The following R3HDM2 variants were observed in gnomAD, a reference collection of about 807,000 sequenced individuals.
The protein encoded by R3HDM2 is R3H domain containing 2.
Under a neutral mutation model 124.5 loss-of-function variants are expected in R3HDM2, and 38 were observed. The observed-to-expected ratio is 0.31, with a 90% CI of 0.24 to 0.40. The LOEUF (loss-of-function observed/expected upper bound fraction) is 0.40. R3HDM2 is among the 10% of genes least tolerant of loss of function. R3HDM2 has a pLI of 1.00. For missense variants in R3HDM2, 869 were observed against 1,236.9 expected, an observed-to-expected ratio of 0.70 and a Z score of 4.46; for synonymous variants, 391 against 448.0, an observed-to-expected ratio of 0.87 and a Z score of 1.61.
At chr12:57,282,372 CTG>C (rs760302672) in intron 13 of R3HDM2, among the ~76,000 whole-genome samples, 7 of 151,434 alleles carry the variant, frequency 4.6e-5, no homozygotes, top group Admixed American at 1.3e-4. Context: ...CAATGGCAAA[CTG>C]GAGTCAGGAA....
intron 2 of R3HDM2, among the ~76,000 whole-genome samples, chr12:57,316,967 G>A (rs982554918): frequency 6.6e-6 from 1 of 151,890 alleles, no homozygotes; most frequent in African/African-American, 2.4e-5. Context: ...GGCTGCTCTT[G>A]AACTCCTGAC....
intron 2 of R3HDM2, among the ~76,000 whole-genome samples, chr12:57,395,212 T>A (rs897559927): frequency 6.1e-5 from 9 of 148,590 alleles, no homozygotes; most frequent in African/African-American, 2.2e-4. Flanking sequence ...CAAAAAAAAT[T>A]AAAAAAAATT....
At chr12:57,269,534 A>G in intron 15 of R3HDM2, 85 bp from the exon 16 acceptor site, 1 of 1,535,864 alleles carries the variant, frequency 6.5e-7, no homozygotes, top group Non-Finnish European at 8.8e-7. Flanking sequence ...CTCAAGATTG[A>G]TGGCCAGAAA....
At chr12:57,388,041 T>C (rs993637200) in intron 2 of R3HDM2, among the ~76,000 whole-genome samples, 3 of 152,090 alleles carry the variant, frequency 2.0e-5, no homozygotes, top group African/African-American at 7.2e-5. Context: ...ATCAGCTCAC[T>C]GCAAACTCCG....
At chr12:57,375,880 G>A (rs2063992927) in intron 2 of R3HDM2, among the ~76,000 whole-genome samples, 2 of 152,058 alleles carry the variant, frequency 1.3e-5, no homozygotes, top group Admixed American at 1.3e-4. Flanking sequence ...CACTATGTTA[G>A]CCAGGATGGT....
At chr12:57,420,192 C>A (rs1318171580) in intron 1 of R3HDM2, among the ~76,000 whole-genome samples, 2 of 152,076 alleles carry the variant, frequency 1.3e-5, no homozygotes, top group African/African-American at 4.8e-5. Flanking sequence ...CTTGTTCATT[C>A]TCCTGTATAT....
At chr12:57,355,383 CGA>C (rs1028135435) in intron 2 of R3HDM2, among the ~76,000 whole-genome samples, 11 of 148,204 alleles carry the variant, frequency 7.4e-5, no homozygotes, top group African/African-American at 2.5e-4. Flanking sequence ...GGCGTGAACC[CGA>C]GAGGCAGAGC....
At chr12:57,424,516 T>C (rs1322706989) in intron 1 of R3HDM2, among the ~76,000 whole-genome samples, 1 of 152,106 alleles carries the variant, frequency 6.6e-6, no homozygotes, top group Non-Finnish European at 1.5e-5. Context: ...CTTAATTACT[T>C]TCCTCCTAGT....
chr12:57,318,962 C>T (rs952092652), intron 2 of R3HDM2, among the ~76,000 whole-genome samples: 22 of 152,166 alleles, frequency 1.4e-4, no homozygotes, highest in Non-Finnish European at 3.1e-4. Context: ...CTTTCTTAAA[C>T]TTTATACAAT....
At chr12:57,341,821 T>C (rs2059593930) in intron 2 of R3HDM2, among the ~76,000 whole-genome samples, 1 of 152,214 alleles carries the variant, frequency 6.6e-6, no homozygotes. Flanking sequence ...CCCTGCTTCC[T>C]GCAATGTGCG....
intron 10 of R3HDM2, among the ~76,000 whole-genome samples, chr12:57,294,161 A>G (rs1446911574): frequency 6.6e-6 from 1 of 152,244 alleles, no homozygotes; most frequent in African/African-American, 2.4e-5. Flanking sequence ...AGCCTAGTTC[A>G]GGGAAAACAC....
At chr12:57,303,019 G>T (rs961953329) in intron 4 of R3HDM2, among the ~76,000 whole-genome samples, 157 bp downstream of exon 4, 1 of 152,196 alleles carries the variant, frequency 6.6e-6, no homozygotes, top group Admixed American at 6.5e-5. Context: ...GTGTACATGT[G>T]TGTATGCACA....
chr12:57,386,449 A>G (rs2065805420), intron 2 of R3HDM2, among the ~76,000 whole-genome samples: 1 of 152,208 alleles, frequency 6.6e-6, no homozygotes, highest in African/African-American at 2.4e-5. Context: ...GGGGCTTAGC[A>G]CCTGGGCAAG....
chr12:57,292,655 A>G lies in R3HDM2; in HGVS notation c.823T>C (p.Leu275=), dbSNP rs1225580937. ...DRDDNQIRVP[L]QDGRRSKSIE... ...GACTTGCTCCTCCTTCCATCCTGCA[A>G]TGGAACTCTGATCTAGATCGATGAG... Residue 275 remains leucine (L), a synonymous_variant, in exon 11 of 24, where the codon TTG becomes CTG. Coordinates refer to ENST00000402412, the MANE Select transcript of R3HDM2 (RefSeq NM_001394031.1). The G allele has an allele frequency of 3.9e-6, 6 of 1,548,900 alleles. No homozygotes were observed. The highest frequency in any genetic ancestry group is 2.0e-5 in the Admixed American group (1 of 50,968).
chr12:57,319,735 G>GT (rs2055990457), intron 2 of R3HDM2, among the ~76,000 whole-genome samples: 1 of 152,176 alleles, frequency 6.6e-6, no homozygotes, highest in Non-Finnish European at 1.5e-5. Context: ...GCAGAGGCGA[G>GT]TAATGAGGGG....
intron 2 of R3HDM2, among the ~76,000 whole-genome samples, chr12:57,382,837 AAAAT>A (rs2065104339): frequency 6.6e-6 from 1 of 151,788 alleles, no homozygotes; most frequent in Non-Finnish European, 1.5e-5. Flanking sequence ...CTCCATCTCA[AAAAT>A]AAATAACTAA....
rs2041683964 is a variant in R3HDM2 at position 57,264,227 on chromosome 12, G to C, written c.2131+2504C>G. ...ACTGCACTCCAGCCTGGGCGACAGA[G>C]AGAGACTCTGTCTCAAAAAAAAAAA... On this transcript the variant is annotated intron_variant, in intron 19 of 23. Transcript: ENST00000402412. Among the ~76,000 whole-genome samples the C allele has an allele frequency of 1.4e-5, 2 of 141,344 alleles. 1 individual carries two copies. Among genetic ancestry groups the C allele is most frequent in the Non-Finnish European group, 3.1e-5 (2 of 65,362 alleles). The allele number at this position is 141,344 out of a possible 152,430, so 92.7% of individuals were successfully genotyped here. A position where few individuals can be genotyped will look rare whatever the true frequency, so the allele number is the denominator to read the frequency against.
chr12:57,394,795 G>C (rs1469316613), intron 2 of R3HDM2, among the ~76,000 whole-genome samples: 1 of 152,142 alleles, frequency 6.6e-6, no homozygotes, highest in Non-Finnish European at 1.5e-5. Flanking sequence ...GAAATCATGA[G>C]ATTTCTGTTA....
intron 14 of R3HDM2, among the ~76,000 whole-genome samples, chr12:57,279,879 C>T (rs1398449306): frequency 2.0e-5 from 3 of 152,122 alleles, no homozygotes; most frequent in South Asian, 4.1e-4. Context: ...CTTTGTGTTT[C>T]GTGGCATATG....
Sources: gnomAD v4.1 joint callset for allele counts (sites outside exome capture counted in the v4.1 genomes callset) on GRCh38, gnomAD v4.1.1 for gene constraint, MANE v1.5 for transcripts, NCBI Gene and HGNC (gene_info 2026-07-23, HGNC 2026-07-21) for gene names.